Variants in MIGA1 observed in about 807,000 individuals in gnomAD.
MIGA1 encodes the protein family with sequence similarity 73, member A.
In MIGA1, 58 loss-of-function variants were observed where a neutral mutation model predicts 82.0. The observed-to-expected ratio is 0.71, with a 90% CI of 0.57 to 0.88. The LOEUF is 0.88. MIGA1 is among the 40% of genes least tolerant of loss of function. The pLI is 0.00. For missense variants in MIGA1, 751 were observed against 749.1 expected (o/e 1.00, Z -0.03); for synonymous variants, 249 against 253.6 (o/e 0.98, Z 0.17).
intron 7 of MIGA1, among the ~76,000 whole-genome samples, chr1:77,820,093 C>G (rs1298857445): frequency 6.8e-6 from 1 of 148,096 alleles, no homozygotes; most frequent in Non-Finnish European, 1.5e-5. Flanking sequence ...TGGTGGTATG[C>G]TTTTGTGTAG....
chr1:77,847,662 C>T (rs1684895954), intron 8 of MIGA1: 4 of 1,568,494 alleles, frequency 2.6e-6, no homozygotes, highest in Admixed American at 1.7e-5. Context: ...TGTAACCAAG[C>T]AGAAAGATCT....
rs772584328 is a variant in MIGA1 at position 77,877,698 on chromosome 1, T to A, written c.*2634T>A. 1 of 152,678 alleles carries A rather than the reference T, an allele frequency of 6.5e-6. No homozygotes were observed. 9.5% of individuals were successfully genotyped at this position (152,678 alleles called of 1,614,324 possible). On this transcript the variant is annotated 3_prime_UTR_variant, in exon 16 of 16. Transcript: ENST00000370791. Reference sequence around the variant, plus strand: ...AAATGTAATTTATTTTAGAAAGATATTATTTGAAATCAATTTTGAAGAATT... The same window carrying A: ...AAATGTAATTTATTTTAGAAAGATAATATTTGAAATCAATTTTGAAGAATT...
intron 2 of MIGA1, among the ~76,000 whole-genome samples, chr1:77,792,544 A>G (rs1412287102): frequency 1.3e-5 from 2 of 152,236 alleles, no homozygotes; most frequent in East Asian, 3.9e-4. Flanking sequence ...TTTCAAGGTT[A>G]CATCTTAAGA....
At chr1:77,803,721 T>C (rs971525275) in intron 4 of MIGA1, among the ~76,000 whole-genome samples, 6 of 152,044 alleles carry the variant, frequency 3.9e-5, no homozygotes, top group African/African-American at 9.7e-5. Context: ...ATTGAACTTA[T>C]GGAGATAGAG....
chr1:77,834,735 G>A (rs1684365696), intron 7 of MIGA1, among the ~76,000 whole-genome samples: 1 of 152,152 alleles, frequency 6.6e-6, no homozygotes, highest in Non-Finnish European at 1.5e-5. Context: ...GAGCAGCAGT[G>A]GTTTCCTAGA....
At chr1:77,802,789 G>GAA (rs761521233) in intron 3 of MIGA1, among the ~76,000 whole-genome samples, 4 of 140,874 alleles carry the variant, frequency 2.8e-5, no homozygotes, top group Non-Finnish European at 6.2e-5. Flanking sequence ...TCAAAAAAAG[G>GAA]AAAAAAAAAA....
chr1:77,869,673 ACGGGGCGGCCGGCTGGG>A (rs1685836384), intron 14 of MIGA1, among the ~76,000 whole-genome samples: 1 of 119,498 alleles, frequency 8.4e-6, no homozygotes. Context: ...CACCTCCCGG[ACGGGGCGGCCGGCTGGG>A]CGGGGGGCTG....
At chr1:77,864,222 T>C (rs997829868) in intron 13 of MIGA1, among the ~76,000 whole-genome samples, 194 bp downstream of exon 13, 3 of 146,662 alleles carry the variant, frequency 2.0e-5, no homozygotes, top group African/African-American at 7.6e-5. Flanking sequence ...AAAAAAAAAT[T>C]AGCTGGGCAT....
At chr1:77,793,172 C>T (rs1215548236) in intron 2 of MIGA1, among the ~76,000 whole-genome samples, 1 of 151,964 alleles carries the variant, frequency 6.6e-6, no homozygotes, top group African/African-American at 2.4e-5. Flanking sequence ...GGTGTGATAT[C>T]GGCTCATTGT....
At position 77,876,797 on chromosome 1, in the gene MIGA1, C is replaced by T. The variant is rs1646897234; in HGVS notation, c.*1733C>T. On this transcript the variant is annotated 3_prime_UTR_variant, in exon 16 of 16. Transcript: ENST00000370791. ...TTTCATGTTCATTATGATAAATCTACAAACAAATGAATTGTTTTTATGGGT... is the reference window on the plus strand; with the variant it reads ...TTTCATGTTCATTATGATAAATCTATAAACAAATGAATTGTTTTTATGGGT... The T allele has an allele frequency of 6.6e-6, 1 of 152,092 alleles. No individual in the cohort carries two copies. Among genetic ancestry groups the T allele is most frequent in the Non-Finnish European group, 1.5e-5 (1 of 68,020 alleles). The allele number at this position is 152,092 out of a possible 1,614,324, so 9.4% of individuals were successfully genotyped here. A position where few individuals can be genotyped will look rare whatever the true frequency, so the allele number is the denominator to read the frequency against.
intron 8 of MIGA1, 26 bp downstream of exon 8, chr1:77,843,433 G>A: frequency 6.4e-7 from 1 of 1,558,434 alleles, no homozygotes; most frequent in South Asian, 1.1e-5. Flanking sequence ...TCCTAATGAG[G>A]ATTTCTGTTT....
At chr1:77,832,746 A>T (rs1684287267) in intron 7 of MIGA1, among the ~76,000 whole-genome samples, 2 of 152,212 alleles carry the variant, frequency 1.3e-5, no homozygotes, top group South Asian at 4.1e-4. Flanking sequence ...GACATAAATT[A>T]TGAAGGTCCT....
chr1:77,793,920 G>A (rs1682546006), intron 2 of MIGA1, among the ~76,000 whole-genome samples: 1 of 150,622 alleles, frequency 6.6e-6, no homozygotes, highest in Non-Finnish European at 1.5e-5. Context: ...CCAAGTGGTT[G>A]GGATTACAGG....
At position 77,812,910 on chromosome 1, in the gene MIGA1, G is replaced by T. The variant is rs1371560362; in HGVS notation, c.638-824G>T. 2.0e-5 allele frequency among the ~76,000 whole-genome samples: 3 copies of T among 152,118 alleles called. No individual in the cohort carries two copies. In the East Asian group the frequency reaches 5.8e-4, roughly 29 times the overall value. On this transcript the variant is annotated intron_variant, in intron 5 of 15. Transcript: ENST00000370791. Reference sequence around the variant, plus strand: ...GCCTGTTGGGATCATAGTGGTTCAGGACACCCTTTAAGGGACAAAAGGTGG... The same window carrying T: ...GCCTGTTGGGATCATAGTGGTTCAGTACACCCTTTAAGGGACAAAAGGTGG...
At chr1:77,782,672 T>A (rs564802915) in intron 1 of MIGA1, among the ~76,000 whole-genome samples, 80 of 152,300 alleles carry the variant, frequency 5.3e-4, no homozygotes, top group African/African-American at 1.8e-3. Flanking sequence ...TAATACGCAT[T>A]AAAACTATAC....
intron 2 of MIGA1, among the ~76,000 whole-genome samples, chr1:77,798,230 C>G (rs2101737922): frequency 6.6e-6 from 1 of 152,314 alleles, no homozygotes; most frequent in African/African-American, 2.4e-5. Context: ...CACACTTCCT[C>G]TGAAGGTTCT....
chr1:77,809,339 A>C (rs772584844), intron 5 of MIGA1, among the ~76,000 whole-genome samples: 13 of 152,180 alleles, frequency 8.5e-5, no homozygotes, highest in Non-Finnish European at 1.5e-4. Flanking sequence ...TGCTGTTACA[A>C]AACTGATGAT....
rs565670841 is a variant in MIGA1 at position 77,779,747 on chromosome 1, A to AG, written c.81+15dup. The AG allele has an allele frequency of 7.8e-5, 88 of 1,134,880 alleles. No homozygotes were observed. In the African/African-American group the frequency reaches 1.1e-3, roughly 14 times the overall value. 70.3% of individuals were successfully genotyped at this position (1,134,880 alleles called of 1,614,324 possible). A position where few individuals can be genotyped will look rare whatever the true frequency, so the allele number is the denominator to read the frequency against. On this transcript the variant is annotated intron_variant, in intron 1 of 15. Coordinates refer to ENST00000370791, the MANE Select transcript of MIGA1 (RefSeq NM_198549.4). Reference sequence around the variant, plus strand: ...GGCCTGGAGCTCCAGGTACAGGGCCAGGGGCGGGGTGGGGTGGAGAGGCGG... The same window carrying AG: ...GGCCTGGAGCTCCAGGTACAGGGCCAGGGGGCGGGGTGGGGTGGAGAGGCGG...
At chr1:77,857,514 C>A (rs2101929688) in intron 8 of MIGA1, among the ~76,000 whole-genome samples, 1 of 151,914 alleles carries the variant, frequency 6.6e-6, no homozygotes, top group East Asian at 1.9e-4. Flanking sequence ...TGCACCTGGC[C>A]CCCCCTAATT....
Sources: gnomAD v4.1 joint callset for allele counts (sites outside exome capture counted in the v4.1 genomes callset) on GRCh38, gnomAD v4.1.1 for gene constraint, MANE v1.5 for transcripts, NCBI Gene and HGNC (gene_info 2026-07-23, HGNC 2026-07-21) for gene names.